Variants in SKAP1 observed in about 807,000 individuals in gnomAD.
SKAP1 encodes src kinase associated phosphoprotein 1.
Under a neutral mutation model 58.5 loss-of-function variants are expected in SKAP1, and 44 were observed. That is an observed-to-expected ratio of 0.75 (90% CI 0.59 to 0.97). The LOEUF (loss-of-function observed/expected upper bound fraction) is 0.97, where lower values mean the gene tolerates loss of function less well. Ranked by LOEUF, SKAP1 falls within the 50% of genes least tolerant of loss-of-function variation. SKAP1 has a pLI of 0.00. For synonymous variants in SKAP1, 127 were observed against 149.7 expected (o/e 0.85, Z 1.11); for missense variants, 390 against 435.2 (o/e 0.90, Z 0.92).
intron 4 of SKAP1, among the ~76,000 whole-genome samples, chr17:48,315,773 C>A (rs1181491342): frequency 6.6e-6 from 1 of 152,164 alleles, no homozygotes; most frequent in Non-Finnish European, 1.5e-5. Context: ...GTACTTAACA[C>A]AAACTTTGTT....
At chr17:48,348,102 G>A (rs2066746970) in intron 3 of SKAP1, among the ~76,000 whole-genome samples, 1 of 152,082 alleles carries the variant, frequency 6.6e-6, no homozygotes, top group Non-Finnish European at 1.5e-5. Flanking sequence ...CACTTTGGGA[G>A]GCCAAGGCAG....
At chr17:48,385,495 G>A (rs1421647800) in intron 2 of SKAP1, among the ~76,000 whole-genome samples, 2 of 152,096 alleles carry the variant, frequency 1.3e-5, no homozygotes, top group Non-Finnish European at 2.9e-5. Flanking sequence ...ATCAAGAATG[G>A]AGTGAAGATA....
At chr17:48,400,563 A>G (rs1475762579) in intron 1 of SKAP1, among the ~76,000 whole-genome samples, 1 of 151,950 alleles carries the variant, frequency 6.6e-6, no homozygotes, top group Non-Finnish European at 1.5e-5. Context: ...GGAGTTGGTC[A>G]ACATGATGAA....
chr17:48,396,336 T>G (rs1301618631), intron 2 of SKAP1, among the ~76,000 whole-genome samples: 2 of 152,234 alleles, frequency 1.3e-5, no homozygotes, highest in African/African-American at 4.8e-5. Context: ...TATCTCATAC[T>G]GCCTAACACT....
chr17:48,211,788 C>T (rs1448642697), intron 4 of SKAP1, among the ~76,000 whole-genome samples: 1 of 152,112 alleles, frequency 6.6e-6, no homozygotes, highest in Non-Finnish European at 1.5e-5. Flanking sequence ...GCCCTTTCCT[C>T]TTCAGGCTCT....
intron 4 of SKAP1, among the ~76,000 whole-genome samples, chr17:48,273,463 C>G (rs2065660302): frequency 6.6e-6 from 1 of 151,772 alleles, no homozygotes; most frequent in Non-Finnish European, 1.5e-5. Flanking sequence ...GCTCTGTCAC[C>G]CAGGCTGGAG....
chr17:48,380,834 A>C (rs1039195522), intron 2 of SKAP1, among the ~76,000 whole-genome samples: 1 of 152,198 alleles, frequency 6.6e-6, no homozygotes, highest in Non-Finnish European at 1.5e-5. Context: ...AATCTATTAA[A>C]TCTTGTTAAC....
intron 1 of SKAP1, among the ~76,000 whole-genome samples, chr17:48,417,744 CA>C (rs57181313): frequency 0.2 from 22,343 of 114,262 alleles, 1,222 homozygotes; most frequent in Middle Eastern, 0.21. Context: ...GACTTCGTCT[CA>C]AAAAAAAAAA....
intron 1 of SKAP1, among the ~76,000 whole-genome samples, chr17:48,406,565 T>C (rs1463489351): frequency 6.7e-6 from 1 of 149,720 alleles, no homozygotes; most frequent in Non-Finnish European, 1.5e-5. Context: ...CTCCCTAATT[T>C]ATTTATTTAT....
At chr17:48,341,322 A>C (rs1192060983) in intron 4 of SKAP1, among the ~76,000 whole-genome samples, 1 of 152,184 alleles carries the variant, frequency 6.6e-6, no homozygotes, top group African/African-American at 2.4e-5. Flanking sequence ...TAATTTCAGA[A>C]TACTAAAACA....
intron 1 of SKAP1, among the ~76,000 whole-genome samples, chr17:48,405,393 C>G (rs182830066): frequency 3.3e-5 from 1 of 30,572 alleles, no homozygotes; most frequent in Non-Finnish European, 6.1e-5. Flanking sequence ...TTTCTCTTTC[C>G]TTTCTTTCTT....
intron 2 of SKAP1, among the ~76,000 whole-genome samples, chr17:48,378,112 A>G (rs1358169640): frequency 6.6e-6 from 1 of 152,024 alleles, no homozygotes; most frequent in Non-Finnish European, 1.5e-5. Context: ...TCTCCTCTCC[A>G]TCTCTGCAGA....
chr17:48,163,070 T>C (rs2064090873), intron 10 of SKAP1, among the ~76,000 whole-genome samples: 1 of 152,220 alleles, frequency 6.6e-6, no homozygotes, highest in African/African-American at 2.4e-5. Flanking sequence ...AACTTTGTCC[T>C]GGGAACTTCC....
intron 4 of SKAP1, chr17:48,344,197 T>A (rs1567876106): frequency 3.5e-5 from 14 of 396,630 alleles, no homozygotes; most frequent in Non-Finnish European, 4.8e-5. Context: ...AAAATTATTC[T>A]TAGATAAATT....
intron 1 of SKAP1, among the ~76,000 whole-genome samples, chr17:48,398,274 A>G (rs1456291283): frequency 6.6e-6 from 1 of 152,100 alleles, no homozygotes; most frequent in African/African-American, 2.4e-5. Flanking sequence ...TTATAGGAGC[A>G]CAAACCCTAT....
At chr17:48,173,238 C>T (rs2064240927) in intron 9 of SKAP1, among the ~76,000 whole-genome samples, 1 of 151,262 alleles carries the variant, frequency 6.6e-6, no homozygotes, top group Non-Finnish European at 1.5e-5. Context: ...ATATATATGC[C>T]CTACAATATA....
intron 1 of SKAP1, among the ~76,000 whole-genome samples, chr17:48,398,477 T>A (rs1282168672): frequency 6.6e-6 from 1 of 152,098 alleles, no homozygotes; most frequent in African/African-American, 2.4e-5. Context: ...GTAATCATAA[T>A]AGAAATAAAG....
At chr17:48,304,295 G>A (rs1351916804) in intron 4 of SKAP1, among the ~76,000 whole-genome samples, 1 of 152,128 alleles carries the variant, frequency 6.6e-6, no homozygotes, top group Non-Finnish European at 1.5e-5. Context: ...TCTAATTCCT[G>A]GTTCTATCAT....
intron 4 of SKAP1, among the ~76,000 whole-genome samples, chr17:48,292,798 A>G (rs946605650): frequency 8.5e-5 from 13 of 152,226 alleles, no homozygotes; most frequent in African/African-American, 2.9e-4. Context: ...AATTTATCAT[A>G]CACAATTACT....
Sources: allele counts gnomAD v4.1 joint callset (sites outside exome capture counted in the v4.1 genomes callset), GRCh38; gene constraint gnomAD v4.1.1; transcripts MANE v1.5; gene names NCBI Gene and HGNC (gene_info 2026-07-23, HGNC 2026-07-21).